The following C5orf15 variants were observed in gnomAD, a reference collection of about 807,000 sequenced individuals.
The protein encoded by C5orf15 is keratinocyte-associated transmembrane protein 2.
C5orf15 carries 10 observed loss-of-function variants against 17.8 expected under a neutral mutation model. That is an observed-to-expected ratio of 0.56 (90% CI 0.35 to 0.95). C5orf15 has a LOEUF of 0.95. Among genes scored for constraint, C5orf15 ranks in the 40% least tolerant of loss-of-function variants. The pLI is 0.02. For missense variants in C5orf15, 319 were observed against 331.7 expected, an observed-to-expected ratio of 0.96 and a Z score of 0.30; for synonymous variants, 124 against 131.0, an observed-to-expected ratio of 0.95 and a Z score of 0.36.
chr5:133,959,690 G>A lies in C5orf15; in HGVS notation c.470C>T (p.Thr157Met), dbSNP rs755783208. ...AGACTCGTCGTCGTCCCTGGGGCCCGTGGTCCAGTCATAGTCTGGTTCTCC... is the reference window on the plus strand; with the variant it reads ...AGACTCGTCGTCGTCCCTGGGGCCCATGGTCCAGTCATAGTCTGGTTCTCC... ...DYGEPDYDWTTGPRDDDESDD... is the reference protein window; with the variant it reads ...DYGEPDYDWTMGPRDDDESDD... Residue 157 changes from threonine to methionine, a missense_variant, in exon 2 of 3, where the codon ACG (threonine) becomes ATG (methionine). By Grantham distance (81) the Thr-to-Met change is moderately conservative. Coordinates refer to ENST00000231512, the MANE Select transcript of C5orf15 (RefSeq NM_020199.3). The A allele has an allele frequency of 1.4e-5, 23 of 1,613,278 alleles. No homozygotes were observed. Among genetic ancestry groups the A allele is most frequent in the African/African-American group, 2.7e-5 (2 of 74,860 alleles).
At chr5:133,968,058 C>T (rs1040112750) in intron 1 of C5orf15, among the ~76,000 whole-genome samples, 2 of 152,060 alleles carry the variant, frequency 1.3e-5, no homozygotes, top group East Asian at 1.9e-4. Flanking sequence ...CCTGTCGCCA[C>T]CCTCTCTTCC....
At position 133,968,549 on chromosome 5, in the gene C5orf15, TG is replaced by T; in HGVS notation, c.35del (p.Pro12GlnfsTer57). ...AAAVPKRMRG[P>X]AQAKLLPGSA... Reference sequence around the variant, plus strand: ...ACCCGGGCAGCAGTTTCGCTTGTGCTGGCCCCCTCATCCTCTTCGGGACGGC... The same window carrying T: ...ACCCGGGCAGCAGTTTCGCTTGTGCTGCCCCCTCATCCTCTTCGGGACGGC... On this transcript the variant is annotated frameshift_variant, in exon 1 of 3. Transcript: ENST00000231512. LOFTEE classifies it high-confidence loss of function. The T allele has an allele frequency of 3.7e-6, 6 of 1,610,012 alleles. No homozygotes were observed. The highest frequency in any genetic ancestry group is 1.7e-5 in the Admixed American group (1 of 59,632).
chr5:133,962,222 G>A (rs1024733074), intron 1 of C5orf15, among the ~76,000 whole-genome samples: 11 of 152,154 alleles, frequency 7.2e-5, no homozygotes, highest in African/African-American at 2.7e-4. Flanking sequence ...CTGATAGGGT[G>A]GGAATAATTA....
intron 2 of C5orf15, among the ~76,000 whole-genome samples, chr5:133,957,549 T>C (rs1021533879): frequency 8.5e-5 from 13 of 152,200 alleles, no homozygotes; most frequent in Non-Finnish European, 1.9e-4. Context: ...GTCCCTTTGA[T>C]GTTCATAATA....
intron 1 of C5orf15, among the ~76,000 whole-genome samples, chr5:133,960,272 C>T (rs1752104940): frequency 6.6e-6 from 1 of 152,146 alleles, no homozygotes; most frequent in Non-Finnish European, 1.5e-5. Context: ...CATCATACAG[C>T]CTGCCACCAA....
chr5:133,960,930 T>C (rs1752113467), intron 1 of C5orf15, among the ~76,000 whole-genome samples: 1 of 148,560 alleles, frequency 6.7e-6, no homozygotes, highest in African/African-American at 2.5e-5. Flanking sequence ...TCTACTACAC[T>C]AAAAAAATAA....
chr5:133,966,129 A>G lies in C5orf15; in HGVS notation c.139+2317T>C, dbSNP rs1344402724. 1.8e-4 allele frequency among the ~76,000 whole-genome samples: 27 copies of G among 151,786 alleles called. 1 individual carries two copies. The highest frequency in any genetic ancestry group is 1.8e-3 in the Admixed American group (27 of 15,222). ...CAGCATACTCGGGAGGCTGAGGCAG[A>G]AGAATCACTTGAAACCGGGAGGCGG... is the stretch of plus-strand genomic sequence containing the variant. On this transcript the variant is annotated intron_variant, in intron 1 of 2. Coordinates refer to ENST00000231512, the MANE Select transcript of C5orf15 (RefSeq NM_020199.3).
Position 133,956,679 on chromosome 5 carries a change from C to G in C5orf15, c.*180G>C. ...ATTTTGGACACCTGATTAAACTCAGCTCTAAAAGTACAGATAAAAAATTAT... is the reference window on the plus strand; with the variant it reads ...ATTTTGGACACCTGATTAAACTCAGGTCTAAAAGTACAGATAAAAAATTAT... On this transcript the variant is annotated 3_prime_UTR_variant, in exon 3 of 3. Transcript: ENST00000231512. The G allele has an allele frequency of 2.2e-6, 1 of 463,038 alleles. No homozygotes were observed. Among genetic ancestry groups the G allele is most frequent in the Non-Finnish European group, 3.6e-6 (1 of 280,548 alleles). 28.7% of individuals were successfully genotyped at this position (463,038 alleles called of 1,614,324 possible). A position where few individuals can be genotyped will look rare whatever the true frequency, so the allele number is the denominator to read the frequency against.
chr5:133,965,706 G>A (rs1035336965), intron 1 of C5orf15, among the ~76,000 whole-genome samples: 1 of 150,996 alleles, frequency 6.6e-6, no homozygotes, highest in Admixed American at 6.6e-5. Flanking sequence ...CAAGTGGATC[G>A]CTTAAGCACA....
At chr5:133,966,114 G>A (rs905423090) in intron 1 of C5orf15, among the ~76,000 whole-genome samples, 1 of 151,486 alleles carries the variant, frequency 6.6e-6, no homozygotes, top group African/African-American at 2.4e-5. Flanking sequence ...CAGCATACTC[G>A]GGAGGCTGAG....
chr5:133,968,138 T>C (rs896472248), intron 1 of C5orf15, among the ~76,000 whole-genome samples: 1 of 151,882 alleles, frequency 6.6e-6, no homozygotes, highest in Non-Finnish European at 1.5e-5. Flanking sequence ...CGGCAGCCCA[T>C]TCTTCAACGA....
rs149583948 is a variant in C5orf15, at chr5:133,968,579, G to T, written c.6C>A (p.Ala2=). The change falls in exon 1 of 3, where the codon GCC becomes GCA. Residue 2 remains alanine, a synonymous_variant. Coordinates refer to ENST00000231512, the MANE Select transcript of C5orf15 (RefSeq NM_020199.3). ...CCCTCATCCTCTTCGGGACGGCAGC[G>T]GCCATAACGGACTCGGCTGGGAGCC... M[A]AAVPKRMRGP... 7.5e-6 allele frequency: 12 copies of T among 1,609,400 alleles called. No individual in the cohort carries two copies. In the Middle Eastern group the frequency reaches 5.0e-4, roughly 67 times the overall value.
At chr5:133,968,323 C>T (rs1752225794) in intron 1 of C5orf15, 123 bp downstream of exon 1, 2 of 1,359,224 alleles carry the variant, frequency 1.5e-6, no homozygotes, top group Non-Finnish European at 2.0e-6. Context: ...AGACCCTGAC[C>T]CAACCAGACA....
intron 1 of C5orf15, among the ~76,000 whole-genome samples, chr5:133,960,855 T>C (rs1248375999): frequency 1.3e-5 from 2 of 152,128 alleles, no homozygotes; most frequent in African/African-American, 4.8e-5. Context: ...GAGGAATCCC[T>C]GCCGAAATTT....
rs1356391045 is a variant in C5orf15, at chr5:133,955,550, CA to C, written c.*1308del. 1 of 152,564 alleles carries C rather than the reference CA, an allele frequency of 6.6e-6. No homozygotes were observed. The highest frequency in any genetic ancestry group is 1.5e-5 in the Non-Finnish European group (1 of 68,014). The allele number at this position is 152,564 out of a possible 1,614,324, so 9.5% of individuals were successfully genotyped here. On this transcript the variant is annotated 3_prime_UTR_variant, in exon 3 of 3. Transcript: ENST00000231512. ...GCCATTTATTTTTTAAAATCTTATT[CA>C]AAATATTAAATAATAGTTTCAGATA...
chr5:133,965,704 T>C (rs1474009599), intron 1 of C5orf15, among the ~76,000 whole-genome samples: 2 of 152,022 alleles, frequency 1.3e-5, no homozygotes, highest in African/African-American at 4.8e-5. Flanking sequence ...GGCAAGTGGA[T>C]CGCTTAAGCA....
Position 133,968,540 on chromosome 5 carries a change from C to T in C5orf15, c.45G>A (p.Ala15=). ...GGATGGCCGACCCGGGCAGCAGTTTCGCTTGTGCTGGCCCCCTCATCCTCT... is the reference window on the plus strand; with the variant it reads ...GGATGGCCGACCCGGGCAGCAGTTTTGCTTGTGCTGGCCCCCTCATCCTCT... ...VPKRMRGPAQ[A]KLLPGSAIQA... Residue 15 remains alanine (A), a synonymous_variant, in exon 1 of 3, where the codon GCG becomes GCA. Coordinates refer to ENST00000231512, the MANE Select transcript of C5orf15 (RefSeq NM_020199.3). 6.2e-7 allele frequency: 1 copy of T among 1,609,550 alleles called. No homozygotes were observed. Among genetic ancestry groups the T allele is most frequent in the Admixed American group, 1.7e-5 (1 of 59,542 alleles).
chr5:133,967,992 C>G (rs1752220274), intron 1 of C5orf15, among the ~76,000 whole-genome samples: 1 of 152,062 alleles, frequency 6.6e-6, no homozygotes, highest in Non-Finnish European at 1.5e-5. Context: ...CTGAGTCCCC[C>G]AAACTCAGGA....
chr5:133,959,798 T>A lies in C5orf15; in HGVS notation c.362A>T (p.Asp121Val), dbSNP rs992132182. The change falls in exon 2 of 3, where the codon GAT becomes GTT. Residue 121 changes from aspartate to valine, a missense_variant. Asp to Val is a radical substitution (Grantham distance 152). This residue lies in a region of C5orf15 where 175 missense variants were observed against 192.4 expected (regional missense o/e 0.91). Coordinates refer to ENST00000231512, the MANE Select transcript of C5orf15 (RefSeq NM_020199.3). ...LSQEEADNNEDPSIEEEDLLM... is the reference protein window; with the variant it reads ...LSQEEADNNEVPSIEEEDLLM... Reference sequence around the variant, plus strand: ...AAGATCCTCCTCCTCTATACTAGGATCTTCATTGTTATCAGCTTCCTCTTG... The same window carrying A: ...AAGATCCTCCTCCTCTATACTAGGAACTTCATTGTTATCAGCTTCCTCTTG... 2 of 1,614,058 alleles carry A rather than the reference T, an allele frequency of 1.2e-6. No homozygotes were observed. The highest frequency in any genetic ancestry group is 2.7e-5 in the African/African-American group (2 of 74,910).
Sources: allele counts gnomAD v4.1 joint callset (sites outside exome capture counted in the v4.1 genomes callset), GRCh38; gene constraint gnomAD v4.1.1; regional missense constraint gnomAD v4.1.1; transcripts MANE v1.5; gene names NCBI Gene and HGNC (gene_info 2026-07-23, HGNC 2026-07-21).